AIM2: variants seen among roughly 807,000 people sequenced by gnomAD.
AIM2 encodes the protein absent in melanoma 2, also known as interferon-inducible protein AIM2.
AIM2 carries 30 observed loss-of-function variants against 27.7 expected under a neutral mutation model. The ratio of observed to expected loss-of-function variants is 1.08; its 90% CI spans 0.81 to 1.47. The LOEUF is 1.47. Ranked by LOEUF, AIM2 falls within the 40% of genes most tolerant of loss-of-function variation. The pLI is 0.00. For synonymous variants in AIM2, 141 were observed against 145.3 expected (o/e 0.97, Z 0.21); for missense variants, 358 against 411.3 (o/e 0.87, Z 1.12).
intron 1 of AIM2, among the ~76,000 whole-genome samples, chr1:159,119,158 C>G (rs142890834): frequency 2.0e-5 from 3 of 152,158 alleles, no homozygotes; most frequent in Non-Finnish European, 4.4e-5. Context: ...TGACATGAAT[C>G]GGAACGCTTG....
At chr1:159,058,167 A>G (rs1223020513), downstream of AIM2, among the ~76,000 whole-genome samples, 2 of 152,162 alleles carry the variant, frequency 1.3e-5, no homozygotes. Flanking sequence ...CAGCCTGGCC[A>G]ACATGGTGAA....
rs531208784 is a variant in AIM2, at chr1:159,115,712, C to T, written c.-16+24719G>A. On this transcript the variant is annotated intron_variant, in intron 1 of 2. Transcript: ENST00000368129. The stretch of plus-strand genomic sequence containing the variant: ...TGGATTAAAGACTTAAATGTTAGAC[C>T]TAAAACCATAAAAACCCTAGAAGAA... 5.3e-5 allele frequency among the ~76,000 whole-genome samples: 8 copies of T among 152,250 alleles called. No homozygotes were observed. The East Asian group carries it at 1.2e-3, about 22-fold the overall frequency.
At chr1:159,055,505 G>A in the AIM2 span, among the ~76,000 whole-genome samples, 1,005 of 152,332 alleles carry the variant, frequency 6.6e-3, 17 homozygotes, top group African/African-American at 0.023. Flanking sequence ...TGATGTGCAT[G>A]AAGGCACTTG....
chr1:159,116,359 T>A lies in AIM2; in HGVS notation c.-16+24072A>T, dbSNP rs576825965. On this transcript the variant is annotated intron_variant, in intron 1 of 2. Coordinates refer to the AIM2 transcript ENST00000368129. ...TATATGCCCAAAGGATTATAAATCA[T>A]GCTGCTATAAAGACACATGCACACA... Among the ~76,000 whole-genome samples the A allele has an allele frequency of 3.3e-5, 5 of 152,346 alleles. No homozygotes were observed. The South Asian group carries it at 1.0e-3, about 32-fold the overall frequency.
intron 4 of AIM2, among the ~76,000 whole-genome samples, 161 bp downstream of exon 4, chr1:159,065,749 T>C (rs1188076532): frequency 1.3e-5 from 2 of 152,266 alleles, no homozygotes; most frequent in Non-Finnish European, 2.9e-5. Context: ...TGAGTTTTTG[T>C]ATGAATTTTG....
At chr1:159,115,878 C>G (rs976874676) in intron 1 of AIM2, among the ~76,000 whole-genome samples, 9 of 151,840 alleles carry the variant, frequency 5.9e-5, no homozygotes, top group Non-Finnish European at 1.0e-4. Context: ...AAGAAACTAC[C>G]ATCAGAGTGA....
At chr1:159,102,324 T>A (rs1031058850) in intron 1 of AIM2, among the ~76,000 whole-genome samples, 1 of 152,188 alleles carries the variant, frequency 6.6e-6, no homozygotes, top group Non-Finnish European at 1.5e-5. Flanking sequence ...AATGTCTGCG[T>A]GTCTAGGCAG....
At chr1:159,135,611 T>C (rs1260824142) in intron 1 of AIM2, among the ~76,000 whole-genome samples, 1 of 152,232 alleles carries the variant, frequency 6.6e-6, no homozygotes, top group South Asian at 2.1e-4. Context: ...TAGAAGTTTA[T>C]ACATAATAGA....
upstream of AIM2, among the ~76,000 whole-genome samples, chr1:159,143,882 T>C (rs1489913699): frequency 6.6e-6 from 1 of 152,132 alleles, no homozygotes; most frequent in African/African-American, 2.4e-5. Context: ...AATTCCAACG[T>C]AGGAATGACC....
chr1:159,142,418 TGAGA>T (rs952518830), upstream of AIM2, among the ~76,000 whole-genome samples: 1 of 152,096 alleles, frequency 6.6e-6, no homozygotes, highest in Non-Finnish European at 1.5e-5. Context: ...AGTGTGTGTA[TGAGA>T]GATAGAGGGA....
upstream of AIM2, among the ~76,000 whole-genome samples, chr1:159,143,320 C>T (rs558747283): frequency 3.3e-5 from 5 of 152,208 alleles, no homozygotes; most frequent in South Asian, 2.1e-4. Flanking sequence ...CTTCCATCTA[C>T]GACCTAGAGA....
At chr1:159,098,219 CA>C (rs1424647463) in intron 1 of AIM2, among the ~76,000 whole-genome samples, 2 of 152,108 alleles carry the variant, frequency 1.3e-5, no homozygotes, top group Non-Finnish European at 2.9e-5. Context: ...AAGAGACACA[CA>C]ATCTACAGAT....
intron 1 of AIM2, among the ~76,000 whole-genome samples, chr1:159,124,131 A>T (rs536892401): frequency 3.3e-4 from 50 of 151,840 alleles, no homozygotes; most frequent in Non-Finnish European, 5.1e-4. Flanking sequence ...TTACCTAATT[A>T]TTAATGCTTG....
chr1:159,137,319 G>A (rs576975428), intron 1 of AIM2, among the ~76,000 whole-genome samples: 4 of 152,182 alleles, frequency 2.6e-5, no homozygotes, highest in Non-Finnish European at 5.9e-5. Flanking sequence ...CTCTCACAAA[G>A]AGGAATTGAC....
intron 1 of AIM2, among the ~76,000 whole-genome samples, chr1:159,125,785 T>G (rs2518569): frequency 0.8 from 122,117 of 152,068 alleles, 50,579 homozygotes; most frequent in Non-Finnish European, 0.91. Context: ...AGGAAGGTGT[T>G]TAAGTAAAAA....
intron 1 of AIM2, among the ~76,000 whole-genome samples, chr1:159,108,935 G>A (rs1657509895): frequency 6.6e-6 from 1 of 152,110 alleles, no homozygotes; most frequent in Non-Finnish European, 1.5e-5. Flanking sequence ...TCAGGGATGG[G>A]TAGAATTAAA....
intron 1 of AIM2, among the ~76,000 whole-genome samples, chr1:159,094,006 C>A (rs1372260159): frequency 6.6e-6 from 1 of 151,800 alleles, no homozygotes; most frequent in African/African-American, 2.4e-5. Flanking sequence ...TCCTAAAGTG[C>A]TGGGATTACA....
At chr1:159,126,972 G>T (rs889888336) in intron 1 of AIM2, among the ~76,000 whole-genome samples, 4 of 152,144 alleles carry the variant, frequency 2.6e-5, no homozygotes, top group Non-Finnish European at 5.9e-5. Flanking sequence ...CAATGGTAAA[G>T]GGGCCAAAAA....
At chr1:159,102,114 C>T (rs1467916688) in intron 1 of AIM2, among the ~76,000 whole-genome samples, 2 of 152,182 alleles carry the variant, frequency 1.3e-5, no homozygotes, top group Admixed American at 1.3e-4. Context: ...TCTATGCAGC[C>T]TTCGGAAATG....
Sources: allele counts gnomAD v4.1 joint callset (sites outside exome capture counted in the v4.1 genomes callset), GRCh38; gene constraint gnomAD v4.1.1; transcripts MANE v1.5; gene names NCBI Gene and HGNC (gene_info 2026-07-23, HGNC 2026-07-21).